OPRD1: variants seen among roughly 807,000 people sequenced by gnomAD.
The protein encoded by OPRD1 is opioid receptor delta 1.
OPRD1 carries 19 observed loss-of-function variants against 17.5 expected under a neutral mutation model. The observed-to-expected ratio is 1.09, with a 90% CI of 0.76 to 1.60. The LOEUF is 1.60. OPRD1 is among the 40% of genes most tolerant of loss of function. The pLI is 0.00. For missense variants in OPRD1, 483 were observed against 547.2 expected, an observed-to-expected ratio of 0.88 and a Z score of 1.17; for synonymous variants, 256 against 240.9, an observed-to-expected ratio of 1.06 and a Z score of -0.58.
At chr1:28,861,436 G>A (rs1569657985) in intron 2 of OPRD1, among the ~76,000 whole-genome samples, 2 of 152,068 alleles carry the variant, frequency 1.3e-5, no homozygotes, top group African/African-American at 2.4e-5. Flanking sequence ...AAGGAAGGAA[G>A]TTTTGTTTTG....
At chr1:28,847,074 G>A (rs1261388306) in intron 1 of OPRD1, among the ~76,000 whole-genome samples, 8 of 78,932 alleles carry the variant, frequency 1.0e-4, no homozygotes, top group African/African-American at 1.7e-4. Flanking sequence ...CCTTTCCGAC[G>A]GAGTTTGGCT....
chr1:28,841,880 AT>A (rs397737187), intron 1 of OPRD1, among the ~76,000 whole-genome samples: 1,657 of 136,542 alleles, frequency 0.012, 17 homozygotes, highest in African/African-American at 0.036. Context: ...CACCTGGCTA[AT>A]TTTTTTTTTT....
chr1:28,845,910 A>T (rs1425720681), intron 1 of OPRD1, among the ~76,000 whole-genome samples: 4 of 152,210 alleles, frequency 2.6e-5, no homozygotes, highest in Non-Finnish European at 5.9e-5. Flanking sequence ...TCTGGCTTCC[A>T]CACAGTAGTC....
At chr1:28,833,651 CG>C in intron 1 of OPRD1, among the ~76,000 whole-genome samples, 1 of 152,236 alleles carries the variant, frequency 6.6e-6, no homozygotes, top group Middle Eastern at 3.4e-3. Context: ...ATAAAATAGC[CG>C]GGTACTATAG....
chr1:28,818,162 G>A (rs2088685605), intron 1 of OPRD1, among the ~76,000 whole-genome samples: 1 of 152,220 alleles, frequency 6.6e-6, no homozygotes, highest in African/African-American at 2.4e-5. Flanking sequence ...GCAGAGTGCA[G>A]GTGGGCTGTT....
chr1:28,825,895 G>A (rs1052591092), intron 1 of OPRD1, among the ~76,000 whole-genome samples: 2 of 152,216 alleles, frequency 1.3e-5, no homozygotes, highest in African/African-American at 4.8e-5. Context: ...TCTGTGAAAT[G>A]GGGATGATAG....
chr1:28,814,897 A>G (rs2088661850), intron 1 of OPRD1, among the ~76,000 whole-genome samples: 2 of 152,176 alleles, frequency 1.3e-5, no homozygotes, highest in African/African-American at 4.8e-5. Flanking sequence ...CCTATGGGAC[A>G]GGCATTAGAA....
At chr1:28,861,794 C>A (rs1233510164) in intron 2 of OPRD1, among the ~76,000 whole-genome samples, 1 of 146,852 alleles carries the variant, frequency 6.8e-6, no homozygotes, top group African/African-American at 2.5e-5. Flanking sequence ...GGGAGCCTGA[C>A]CCTATCCTTG....
intron 2 of OPRD1, among the ~76,000 whole-genome samples, chr1:28,860,663 A>G (rs1355417823): frequency 2.0e-5 from 3 of 152,216 alleles, no homozygotes; most frequent in African/African-American, 4.8e-5. Context: ...ACTGTAGGGA[A>G]ACAGAATCAG....
At position 28,812,609 on chromosome 1, in the gene OPRD1, C is replaced by CGGTGA; in HGVS notation, c.227+1_227+5dup. 1 of 1,508,292 alleles carries CGGTGA rather than the reference C, an allele frequency of 6.6e-7. No homozygotes were observed. Among genetic ancestry groups the CGGTGA allele is most frequent in the South Asian group, 1.2e-5 (1 of 81,930 alleles). 93.4% of individuals were successfully genotyped at this position (1,508,292 alleles called of 1,614,324 possible). On this transcript the variant is annotated stop_gained and frameshift_variant and splice_region_variant, in exon 1 of 3. Coordinates refer to ENST00000234961, the MANE Select transcript of OPRD1 (RefSeq NM_000911.4). LOFTEE classifies it high-confidence loss of function. Reference sequence around the variant, plus strand: ...CGTGCTTGTCATGTTCGGCATCGTCCGGTGAGTCCGCTGCGGGCCGGCGCC... The same window carrying CGGTGA: ...CGTGCTTGTCATGTTCGGCATCGTCCGGTGAGGTGAGTCCGCTGCGGGCCGGCGCC...
chr1:28,848,889 T>A (rs2124282670), intron 1 of OPRD1, among the ~76,000 whole-genome samples: 1 of 151,428 alleles, frequency 6.6e-6, no homozygotes, highest in African/African-American at 2.4e-5. Flanking sequence ...ACAGCAGGGG[T>A]GAGGTGTGGG....
rs1250029074 is a variant in OPRD1, at chr1:28,866,650, A to T, written c.*3367A>T. The T allele has an allele frequency of 2.6e-5, 4 of 152,170 alleles. No individual in the cohort carries two copies. The East Asian group carries it at 7.7e-4, about 29-fold the overall frequency. The allele number at this position is 152,170 out of a possible 1,614,324, so 9.4% of individuals were successfully genotyped here. ...CTGGAATTCCAGGGTCCATGTTTCC[A>T]GTTAATTCCAGGCATCAGTGAAGTA... On this transcript the variant is annotated 3_prime_UTR_variant, in exon 3 of 3. Coordinates refer to ENST00000234961, the MANE Select transcript of OPRD1 (RefSeq NM_000911.4).
chr1:28,832,507 CT>C (rs2088816591), intron 1 of OPRD1, among the ~76,000 whole-genome samples: 1 of 152,028 alleles, frequency 6.6e-6, no homozygotes, highest in South Asian at 2.1e-4. Context: ...GTCCCAACTT[CT>C]TGGGAGGCTG....
At chr1:28,850,659 T>A (rs1012643606) in intron 1 of OPRD1, among the ~76,000 whole-genome samples, 3 of 151,874 alleles carry the variant, frequency 2.0e-5, no homozygotes, top group Non-Finnish European at 4.4e-5. Flanking sequence ...ATGGTGCACC[T>A]GCGACCCCAG....
chr1:28,840,359 T>A (rs540630029), intron 1 of OPRD1, among the ~76,000 whole-genome samples: 4 of 152,008 alleles, frequency 2.6e-5, no homozygotes, highest in Non-Finnish European at 4.4e-5. Flanking sequence ...ACTCAGGTGA[T>A]CCTCCCACCT....
Position 28,864,407 on chromosome 1 carries a change from G to GGT in OPRD1, c.*1125_*1126insTG. 1 of 153,036 alleles carries GGT rather than the reference G, an allele frequency of 6.5e-6. No homozygotes were observed. The highest frequency in any genetic ancestry group is 2.1e-4 in the South Asian group (1 of 4,838). The allele number at this position is 153,036 out of a possible 1,614,324, so 9.5% of individuals were successfully genotyped here. A position where few individuals can be genotyped will look rare whatever the true frequency, so the allele number is the denominator to read the frequency against. ...GGTGGCCACAGTGGGGCTTGGGACA[G>GGT]GACAGCAGAGCGGGGGGCAGCCACT... On this transcript the variant is annotated 3_prime_UTR_variant, in exon 3 of 3. Coordinates refer to ENST00000234961, the MANE Select transcript of OPRD1 (RefSeq NM_000911.4).
intron 2 of OPRD1, 54 bp downstream of exon 2, chr1:28,859,357 T>G: frequency 6.9e-7 from 1 of 1,456,692 alleles, no homozygotes; most frequent in East Asian, 2.4e-5. Context: ...AGGCAGTACA[T>G]GGGCCTTTGT....
At chr1:28,828,687 T>TAAAAA (rs71027300) in intron 1 of OPRD1, among the ~76,000 whole-genome samples, 4 of 102,300 alleles carry the variant, frequency 3.9e-5, no homozygotes, top group East Asian at 3.0e-4. Flanking sequence ...CTCGATCTCT[T>TAAAAA]AAAAAAAAAA....
intron 1 of OPRD1, 40 bp downstream of exon 1, chr1:28,812,650 G>A (rs1338096715): frequency 3.5e-6 from 5 of 1,433,254 alleles, no homozygotes; most frequent in Non-Finnish European, 2.8e-6. Context: ...GCTGGAGCCC[G>A]GGGTGAGGGT....
Sources: gnomAD v4.1 joint callset for allele counts (sites outside exome capture counted in the v4.1 genomes callset) on GRCh38, gnomAD v4.1.1 for gene constraint, MANE v1.5 for transcripts, NCBI Gene and HGNC (gene_info 2026-07-23, HGNC 2026-07-21) for gene names.